The following FOLH1 variants were observed in gnomAD, a reference collection of about 807,000 sequenced individuals.
FOLH1 encodes the protein glutamate carboxypeptidase 2.
Under a neutral mutation model 93.9 loss-of-function variants are expected in FOLH1, and 54 were observed. The observed-to-expected ratio is 0.57, with a 90% CI of 0.46 to 0.72. FOLH1 has a LOEUF of 0.72. Ranked by LOEUF, FOLH1 falls within the 30% of genes least tolerant of loss-of-function variation. The probability of loss-of-function intolerance (pLI) is 0.00; values close to 1 mark genes in which losing one functional copy is unlikely to be tolerated. For synonymous variants in FOLH1, 249 were observed against 303.6 expected (o/e 0.82, Z 1.87); for missense variants, 571 against 892.5 (o/e 0.64, Z 4.59).
intron 17 of FOLH1, among the ~76,000 whole-genome samples, chr11:49,149,114 G>T (rs548337862): frequency 1.3e-5 from 2 of 152,016 alleles, no homozygotes; most frequent in Admixed American, 6.6e-5. Context: ...CCTGTCGTGG[G>T]GTGGGGTGAG....
At chr11:49,197,707 T>C (rs1862769482) in intron 3 of FOLH1, among the ~76,000 whole-genome samples, 1 of 152,158 alleles carries the variant, frequency 6.6e-6, no homozygotes, top group Non-Finnish European at 1.5e-5. Context: ...TAAATTGTAC[T>C]GGGAGATGGG....
intron 18 of FOLH1, 65 bp from the exon 19 acceptor site, chr11:49,147,010 A>C: frequency 3.3e-6 from 5 of 1,535,286 alleles, no homozygotes; most frequent in Non-Finnish European, 4.4e-6. Flanking sequence ...ACACAAGAGC[A>C]CTCTGCAATT....
At chr11:49,169,408 C>G (rs1858919422) in intron 11 of FOLH1, 150 bp from the exon 12 acceptor site, 2 of 619,504 alleles carry the variant, frequency 3.2e-6, no homozygotes, top group Non-Finnish European at 5.5e-6. Context: ...CATAAAAGAG[C>G]TGCTTTGAAA....
intron 14 of FOLH1, 89 bp from the exon 15 acceptor site, chr11:49,156,896 C>G: frequency 5.1e-6 from 8 of 1,574,496 alleles, no homozygotes; most frequent in Non-Finnish European, 6.9e-6. Flanking sequence ...CCCATTCTTA[C>G]TATTATAAAT....
intron 7 of FOLH1, among the ~76,000 whole-genome samples, chr11:49,178,566 T>C (rs898799938): frequency 2.6e-5 from 4 of 152,124 alleles, no homozygotes; most frequent in African/African-American, 9.7e-5. Context: ...AAAAAAATAA[T>C]GCACATACAT....
chr11:49,164,207 G>A (rs1467601428), intron 13 of FOLH1, among the ~76,000 whole-genome samples: 2 of 152,060 alleles, frequency 1.3e-5, no homozygotes, highest in Admixed American at 6.6e-5. Flanking sequence ...ATCCCTATCT[G>A]AAAAAATGTA....
chr11:49,172,570 A>T (rs1191340670), intron 10 of FOLH1, among the ~76,000 whole-genome samples: 3 of 152,180 alleles, frequency 2.0e-5, no homozygotes, highest in African/African-American at 4.8e-5. Flanking sequence ...TATGACTTCA[A>T]AGAAGATAGG....
At chr11:49,162,381 A>G (rs1168839496) in intron 13 of FOLH1, among the ~76,000 whole-genome samples, 1 of 152,008 alleles carries the variant, frequency 6.6e-6, no homozygotes, top group Non-Finnish European at 1.5e-5. Flanking sequence ...CAACTCTAAG[A>G]TTCTTTCCTT....
chr11:49,169,958 G>T lies in FOLH1; in HGVS notation c.1309-700C>A, dbSNP rs546831445. ...TAATTTGAAAGACACAAATTACACC[G>T]TCAAAATATTAGGTTCTTCCAGATA... On this transcript the variant is annotated intron_variant, in intron 11 of 18. Transcript: ENST00000256999. Among the ~76,000 whole-genome samples the T allele has an allele frequency of 6.4e-3, 974 of 151,972 alleles. 16 individuals carry two copies. The highest frequency in any genetic ancestry group is 0.022 in the African/African-American group (924 of 41,486).
intron 6 of FOLH1, among the ~76,000 whole-genome samples, chr11:49,185,119 C>A (rs1861218476): frequency 6.6e-6 from 1 of 152,100 alleles, no homozygotes; most frequent in African/African-American, 2.4e-5. Flanking sequence ...TTTCCTGGGC[C>A]CTATATCCTA....
intron 13 of FOLH1, chr11:49,162,826 G>T (rs1857870411): frequency 6.8e-6 from 1 of 147,346 alleles, no homozygotes; most frequent in Admixed American, 6.9e-5. Context: ...CCACTTTTCT[G>T]CAGGGCTGCT....
At chr11:49,190,737 AT>A (rs1861938413) in intron 4 of FOLH1, among the ~76,000 whole-genome samples, 1 of 152,202 alleles carries the variant, frequency 6.6e-6, no homozygotes, top group Non-Finnish European at 1.5e-5. Flanking sequence ...CAAATTGCTA[AT>A]TTTAAATAGC....
At chr11:49,158,125 A>G in intron 13 of FOLH1, 82 bp from the exon 14 acceptor site, 1 of 1,344,072 alleles carries the variant, frequency 7.4e-7, no homozygotes. Context: ...AGAAGTGAGT[A>G]ACTAAGCCAC....
chr11:49,200,842 C>T (rs1863185060), intron 2 of FOLH1, among the ~76,000 whole-genome samples: 1 of 152,038 alleles, frequency 6.6e-6, no homozygotes, highest in Non-Finnish European at 1.5e-5. Context: ...GCAAGAATTA[C>T]TAATAATTAC....
intron 3 of FOLH1, among the ~76,000 whole-genome samples, chr11:49,198,481 C>CA (rs374900880): frequency 0.33 from 47,537 of 144,306 alleles, 7,704 homozygotes; most frequent in African/African-American, 0.51. Flanking sequence ...GACTCCGTCT[C>CA]AAAAAAAACA....
intron 12 of FOLH1, among the ~76,000 whole-genome samples, chr11:49,167,816 A>G (rs1230678651): frequency 2.0e-5 from 3 of 152,086 alleles, no homozygotes; most frequent in Admixed American, 1.3e-4. Context: ...GACTCAAAAC[A>G]AACAAGCAGA....
At chr11:49,200,775 G>A (rs908869542) in intron 2 of FOLH1, among the ~76,000 whole-genome samples, 17 of 151,970 alleles carry the variant, frequency 1.1e-4, no homozygotes, top group African/African-American at 3.9e-4. Flanking sequence ...TTATATCACT[G>A]TGTAAAATAT....
intron 12 of FOLH1, among the ~76,000 whole-genome samples, chr11:49,168,715 C>A (rs1327060192): frequency 1.3e-5 from 2 of 152,180 alleles, no homozygotes; most frequent in African/African-American, 4.8e-5. Flanking sequence ...AAGTGATCCA[C>A]CCGCTTCAGC....
intron 4 of FOLH1, among the ~76,000 whole-genome samples, chr11:49,188,313 A>C (rs760013746): frequency 6.6e-6 from 1 of 151,938 alleles, no homozygotes; most frequent in Non-Finnish European, 1.5e-5. Context: ...TTGGGAGTTC[A>C]AGACCAGCCT....
Sources: gnomAD v4.1 joint callset for allele counts (sites outside exome capture counted in the v4.1 genomes callset) on GRCh38, gnomAD v4.1.1 for gene constraint, MANE v1.5 for transcripts, NCBI Gene and HGNC (gene_info 2026-07-23, HGNC 2026-07-21) for gene names.